NDFIP1: variants seen among roughly 807,000 people sequenced by gnomAD.
NDFIP1 encodes Nedd4 family interacting protein 1, also known as NEDD4 family-interacting protein 1.
A neutral mutation model predicts 28.8 loss-of-function variants in NDFIP1; 7 were observed. The ratio of observed to expected loss-of-function variants is 0.24; its 90% CI spans 0.14 to 0.46. The LOEUF (loss-of-function observed/expected upper bound fraction) is 0.46. Among genes scored for constraint, NDFIP1 ranks in the 20% least tolerant of loss-of-function variants. The pLI is 0.99. For missense variants in NDFIP1, 194 were observed against 269.1 expected (o/e 0.72, Z 1.95); for synonymous variants, 92 against 101.0 (o/e 0.91, Z 0.53).
At chr5:142,144,756 A>AGATT in intron 7 of NDFIP1, 80 bp downstream of exon 7, 2 of 900,868 alleles carry the variant, frequency 2.2e-6, no homozygotes, top group Non-Finnish European at 3.5e-6. Context: ...TAGAGTAAGT[A>AGATT]TCTGTGATAG....
In NDFIP1 at chr5:142,111,222, G is replaced by A. The variant is rs147908944; in HGVS notation, c.63+2185G>A. On this transcript the variant is annotated intron_variant, in intron 1 of 7. Transcript: ENST00000253814. ...TCATACATTTGCACATGTGTATCAT[G>A]CACATGTATCTACAAAGGCATGCTA... is the stretch of plus-strand genomic sequence containing the variant. Among the ~76,000 whole-genome samples the A allele has an allele frequency of 8.4e-3, 1,258 of 150,378 alleles. 19 individuals are homozygous for A. The highest frequency in any genetic ancestry group is 0.029 in the African/African-American group (1,183 of 40,826).
Position 142,131,885 on chromosome 5 carries a change from A to G in NDFIP1, c.141A>G (p.Ala47=). 6.2e-7 allele frequency: 1 copy of G among 1,601,552 alleles called. No homozygotes were observed. The highest frequency in any genetic ancestry group is 1.3e-5 in the African/African-American group (1 of 74,184). Residue 47 remains alanine, a synonymous_variant, in exon 2 of 8, where the codon GCA becomes GCG. Coordinates refer to ENST00000253814, the MANE Select transcript of NDFIP1 (RefSeq NM_030571.4). The stretch of plus-strand genomic sequence containing the variant: ...CTCCACCTTACAGCAGCATTTCTGC[A>G]GAGAGCGCAGGTAGGTAACAGGGCA... The part of the protein sequence containing the change: ...DAPPPYSSIS[A]ESAAYFDYKD...
chr5:142,118,863 A>AT (rs1035533877), intron 1 of NDFIP1, among the ~76,000 whole-genome samples: 9 of 151,380 alleles, frequency 5.9e-5, no homozygotes, highest in Admixed American at 2.0e-4. Context: ...ATCATTGTGG[A>AT]TTTTTTTTTA....
intron 1 of NDFIP1, among the ~76,000 whole-genome samples, chr5:142,110,087 G>A (rs1756997690): frequency 7.9e-6 from 1 of 125,874 alleles, no homozygotes; most frequent in African/African-American, 3.3e-5. Flanking sequence ...CGATGAAAAC[G>A]TAGATTAACC....
intron 1 of NDFIP1, among the ~76,000 whole-genome samples, chr5:142,126,470 A>G (rs754371048): frequency 1.3e-5 from 2 of 152,204 alleles, no homozygotes; most frequent in Non-Finnish European, 2.9e-5. Context: ...AAGTAGTGAA[A>G]ATACTTGCAA....
At chr5:142,139,206 C>T (rs1175213904) in intron 5 of NDFIP1, among the ~76,000 whole-genome samples, 6 of 146,568 alleles carry the variant, frequency 4.1e-5, no homozygotes, top group East Asian at 2.0e-4. Context: ...GGCGACAGAG[C>T]GAGACTCCTT....
At chr5:142,123,245 G>A (rs1331093551) in intron 1 of NDFIP1, among the ~76,000 whole-genome samples, 7 of 152,108 alleles carry the variant, frequency 4.6e-5, no homozygotes, top group African/African-American at 1.7e-4. Flanking sequence ...TTACAGGCAT[G>A]AGCCACTGTG....
intron 1 of NDFIP1, among the ~76,000 whole-genome samples, chr5:142,128,127 C>G (rs1757188827): frequency 6.6e-6 from 1 of 152,102 alleles, no homozygotes; most frequent in East Asian, 1.9e-4. Flanking sequence ...CCAGATCTGT[C>G]CCAGTTTTCA....
chr5:142,137,885 C>T lies in NDFIP1; in HGVS notation c.495+27C>T, dbSNP rs752896623. On this transcript the variant is annotated intron_variant, in intron 5 of 7. Coordinates refer to ENST00000253814, the MANE Select transcript of NDFIP1 (RefSeq NM_030571.4). ...TAAGTTGTATAACAGAAAAGATGGG[C>T]TCTACAGAGAGGCAATAATCAGAAT... is the stretch of plus-strand genomic sequence containing the variant. 5 of 1,601,426 alleles carry T rather than the reference C, an allele frequency of 3.1e-6. No homozygotes were observed. In the Admixed American group the frequency reaches 8.7e-5, roughly 28 times the overall value.
rs963371063 is a variant in NDFIP1 at position 142,108,911 on chromosome 5, G to T, written c.-64G>T. 10 of 1,335,488 alleles carry T rather than the reference G, an allele frequency of 7.5e-6. No homozygotes were observed. The highest frequency in any genetic ancestry group is 9.6e-6 in the Non-Finnish European group (10 of 1,037,814). The allele number at this position is 1,335,488 out of a possible 1,614,324, so 82.7% of individuals were successfully genotyped here. A position where few individuals can be genotyped will look rare whatever the true frequency, so the allele number is the denominator to read the frequency against. ...CTCGGCCTCCCAGCGCTCCCAAGCC[G>T]CAGCGGCCGCGCCCCTTCAGCTAGC... On this transcript the variant is annotated 5_prime_UTR_variant, in exon 1 of 8. Transcript: ENST00000253814.
At chr5:142,144,821 T>C in intron 7 of NDFIP1, 145 bp downstream of exon 7, 1 of 499,902 alleles carries the variant, frequency 2.0e-6, no homozygotes, top group East Asian at 3.1e-5. Context: ...CAGTTTCTTG[T>C]CTAGTAACAG....
At chr5:142,113,907 A>G (rs1378975142) in intron 1 of NDFIP1, among the ~76,000 whole-genome samples, 1 of 152,234 alleles carries the variant, frequency 6.6e-6, no homozygotes, top group Non-Finnish European at 1.5e-5. Flanking sequence ...AGGCTGAATA[A>G]TAGTCCATTT....
intron 1 of NDFIP1, among the ~76,000 whole-genome samples, chr5:142,110,753 T>C (rs1757006586): frequency 6.6e-6 from 1 of 152,212 alleles, no homozygotes; most frequent in African/African-American, 2.4e-5. Context: ...TATGTAAATA[T>C]ACATAGTTAT....
At chr5:142,126,375 AT>A (rs1377303266) in intron 1 of NDFIP1, among the ~76,000 whole-genome samples, 3 of 152,230 alleles carry the variant, frequency 2.0e-5, no homozygotes, top group Admixed American at 1.3e-4. Context: ...ATTTTCTGAT[AT>A]TTATTTTTAA....
At chr5:142,125,316 C>T (rs1046058908) in intron 1 of NDFIP1, among the ~76,000 whole-genome samples, 3 of 152,078 alleles carry the variant, frequency 2.0e-5, no homozygotes, top group Non-Finnish European at 4.4e-5. Context: ...GTTTTCAGTT[C>T]TCTTGGGTAT....
chr5:142,110,421 T>A (rs1471594456), intron 1 of NDFIP1, among the ~76,000 whole-genome samples: 1 of 152,192 alleles, frequency 6.6e-6, no homozygotes, highest in East Asian at 1.9e-4. Flanking sequence ...GATTTCATCC[T>A]TTTCATCCTG....
intron 6 of NDFIP1, among the ~76,000 whole-genome samples, chr5:142,142,024 C>A (rs1757337355): frequency 6.6e-6 from 1 of 152,080 alleles, no homozygotes; most frequent in African/African-American, 2.4e-5. Flanking sequence ...GTAGTCCTAG[C>A]TACTTGGGAG....
At chr5:142,117,728 C>CCTTT (rs747339796) in intron 1 of NDFIP1, among the ~76,000 whole-genome samples, 1 of 116,122 alleles carries the variant, frequency 8.6e-6, no homozygotes, top group Non-Finnish European at 1.7e-5. Flanking sequence ...GTTCTACAGG[C>CCTTT]TTTTTTTTTT....
At chr5:142,140,696 G>A in intron 6 of NDFIP1, 67 bp downstream of exon 6, 16 of 1,251,136 alleles carry the variant, frequency 1.3e-5, no homozygotes, top group East Asian at 2.4e-5. Flanking sequence ...AAAATTACTT[G>A]TAGTAAATGT....
Sources: allele counts gnomAD v4.1 joint callset (sites outside exome capture counted in the v4.1 genomes callset), GRCh38; gene constraint gnomAD v4.1.1; transcripts MANE v1.5; gene names NCBI Gene and HGNC (gene_info 2026-07-23, HGNC 2026-07-21).